Variants in DAB2IP observed in about 807,000 individuals in gnomAD.
DAB2IP encodes the protein disabled homolog 2-interacting protein.
In DAB2IP, 28 loss-of-function variants were observed where a neutral mutation model predicts 107.2. That is an observed-to-expected ratio of 0.26 (90% CI 0.19 to 0.36). DAB2IP has a LOEUF of 0.36. Ranked by LOEUF, DAB2IP falls within the 10% of genes least tolerant of loss-of-function variation. The pLI is 1.00. For missense variants in DAB2IP, 1,400 were observed against 1,644.7 expected, an observed-to-expected ratio of 0.85 and a Z score of 2.57; for synonymous variants, 755 against 706.4, an observed-to-expected ratio of 1.07 and a Z score of -1.09.
chr9:121,591,424 G>A (rs1433017084), intron 1 of DAB2IP, among the ~76,000 whole-genome samples: 3 of 152,202 alleles, frequency 2.0e-5, no homozygotes, highest in African/African-American at 4.8e-5. Context: ...AGCCGAGATC[G>A]TGCCACTGCA....
intron 3 of DAB2IP, chr9:121,742,990 T>C (rs1048244049): frequency 5.1e-6 from 5 of 985,356 alleles, no homozygotes; most frequent in Non-Finnish European, 6.0e-6. Flanking sequence ...TGTGGAGCAG[T>C]TGGGGCCTGT....
At chr9:121,783,608 T>A in exon 16 of DAB2IP, 1 of 1,588,084 alleles carries the variant, frequency 6.3e-7, no homozygotes, top group Non-Finnish European at 8.6e-7. Context: ...GCGTGCGCAC[T>A]GCATGGGAAA....
At chr9:121,741,752 A>G (rs1286928197) in intron 3 of DAB2IP, among the ~76,000 whole-genome samples, 1 of 151,474 alleles carries the variant, frequency 6.6e-6, no homozygotes, top group Non-Finnish European at 1.5e-5. Flanking sequence ...TTGTGCCTCC[A>G]GCTATCCTGG....
rs1379891709 is a variant in DAB2IP at position 121,635,873 on chromosome 9, C to T, written c.41-42805C>T. The stretch of plus-strand genomic sequence containing the variant: ...TGGGACCCTGCTGCAGAGGACCTTC[C>T]CAAGGGACAGTCCCCTGTTTAGATG... On this transcript the variant is annotated intron_variant, in intron 1 of 16. Coordinates refer to the DAB2IP transcript ENST00000259371. This position sits in a 1 kb window ranked among gnomAD's most constrained non-coding sequence, Gnocchi z 4.3. Among the ~76,000 whole-genome samples, 1 of 151,244 alleles carries T rather than the reference C, an allele frequency of 6.6e-6. No homozygotes were observed. The highest frequency in any genetic ancestry group is 2.4e-5 in the African/African-American group (1 of 40,980).
exon 16 of DAB2IP, chr9:121,784,266 C>G (rs1184949588): frequency 6.5e-6 from 1 of 153,518 alleles, no homozygotes; most frequent in Non-Finnish European, 1.5e-5. Flanking sequence ...TTGTCCCCAC[C>G]CATGCGCCTT....
At chr9:121,761,357 C>T (rs977360071) in intron 6 of DAB2IP, among the ~76,000 whole-genome samples, 15 of 152,262 alleles carry the variant, frequency 9.9e-5, no homozygotes, top group Non-Finnish European at 1.8e-4. Flanking sequence ...GGCCTCTGCC[C>T]TCTGGACAGT....
At chr9:121,616,131 C>T (rs746859624) in intron 1 of DAB2IP, among the ~76,000 whole-genome samples, 4 of 152,162 alleles carry the variant, frequency 2.6e-5, no homozygotes, top group Admixed American at 6.5e-5. Context: ...TTCGACCCCA[C>T]CTTCCTCCCA....
At chr9:121,758,776 C>A in intron 4 of DAB2IP, 122 bp from the exon 5 acceptor site, 1 of 812,588 alleles carries the variant, frequency 1.2e-6, no homozygotes, top group Non-Finnish European at 2.1e-6. Flanking sequence ...CTGGCTCCTT[C>A]CTGAAGCTGT....
In DAB2IP at chr9:121,772,822, C is replaced by T. The variant is rs201992293; in HGVS notation, c.2294C>T (p.Ala765Val). 45 of 1,604,624 alleles carry T rather than the reference C, an allele frequency of 2.8e-5. No homozygotes were observed. In the African/African-American group the frequency reaches 4.1e-4, roughly 15 times the overall value. ...CTGGATGGGGAGGCAGGCTCCCCGG[C>T]GGGCCCCGACGTCCTCCCCACAGAT... The change falls in exon 12 of 16, where the codon GCG (alanine) becomes GTG (valine). Residue 765 changes from alanine (A) to valine (V), a missense_variant. This residue lies in a region of DAB2IP where 600 missense variants were observed against 659.1 expected (regional missense o/e 0.91). Transcript: ENST00000408936. The surrounding 1 kb of genome is among the most constrained non-coding windows in gnomAD (Gnocchi z 4.7).
chr9:121,584,444 T>A, intron 1 of DAB2IP, among the ~76,000 whole-genome samples: 1 of 151,524 alleles, frequency 6.6e-6, no homozygotes, highest in East Asian at 1.9e-4. Flanking sequence ...GGGAGTTCCA[T>A]GGCTCAAGTA....
At chr9:121,569,952 A>C (rs1829895396) in intron 1 of DAB2IP, among the ~76,000 whole-genome samples, 2 of 146,118 alleles carry the variant, frequency 1.4e-5, no homozygotes, top group African/African-American at 5.2e-5. Context: ...ACCACACCTC[A>C]CTAATTAAAA....
intron 3 of DAB2IP, among the ~76,000 whole-genome samples, chr9:121,718,115 T>G (rs1830708726): frequency 6.6e-6 from 1 of 152,090 alleles, no homozygotes; most frequent in South Asian, 2.1e-4. Flanking sequence ...CGACCCATCC[T>G]CAGTCCCTCT....
At chr9:121,731,315 G>T (rs1226990054) in intron 3 of DAB2IP, among the ~76,000 whole-genome samples, 42 of 152,164 alleles carry the variant, frequency 2.8e-4, no homozygotes. Flanking sequence ...CTGTAAAATG[G>T]GAACAGTGAT....
At chr9:121,758,138 G>A (rs932237669) in intron 4 of DAB2IP, among the ~76,000 whole-genome samples, 9 of 152,172 alleles carry the variant, frequency 5.9e-5, no homozygotes, top group African/African-American at 1.7e-4. Context: ...GCAGGCCCTC[G>A]AATGCCGTGT....
At chr9:121,588,450 G>A (rs1177817426) in intron 1 of DAB2IP, among the ~76,000 whole-genome samples, 2 of 151,682 alleles carry the variant, frequency 1.3e-5, no homozygotes, top group African/African-American at 4.8e-5. Context: ...TTCCCCAGGA[G>A]CAGGCTCTGA....
intron 1 of DAB2IP, among the ~76,000 whole-genome samples, chr9:121,668,907 CTTTT>C (rs377320590): frequency 1.4e-5 from 1 of 72,154 alleles, no homozygotes; most frequent in African/African-American, 6.0e-5. Context: ...GTAAGCCTTA[CTTTT>C]TTTTTTTTTT....
intron 1 of DAB2IP, among the ~76,000 whole-genome samples, chr9:121,660,786 A>G (rs1049677053): frequency 6.6e-6 from 1 of 152,198 alleles, no homozygotes; most frequent in Non-Finnish European, 1.5e-5. Context: ...TATGCAATAC[A>G]TAAATGTCTA....
intron 1 of DAB2IP, among the ~76,000 whole-genome samples, chr9:121,609,953 C>T (rs1050862279): frequency 6.6e-6 from 1 of 152,182 alleles, no homozygotes; most frequent in African/African-American, 2.4e-5. Context: ...GGGCTCCTGG[C>T]GTCGGTGTGG....
intron 1 of DAB2IP, among the ~76,000 whole-genome samples, chr9:121,667,907 T>C (rs765094408): frequency 2.6e-5 from 4 of 152,198 alleles, no homozygotes; most frequent in Non-Finnish European, 5.9e-5. Flanking sequence ...TACGGTTCCA[T>C]GTGGCTGGGG....
Sources: allele counts gnomAD v4.1 joint callset (sites outside exome capture counted in the v4.1 genomes callset), GRCh38; gene constraint gnomAD v4.1.1; regional missense constraint gnomAD v4.1.1; non-coding constraint Gnocchi (gnomAD v3.1); transcripts MANE v1.5; gene names NCBI Gene and HGNC (gene_info 2026-07-23, HGNC 2026-07-21).